GNA14: variants seen among roughly 807,000 people sequenced by gnomAD.
GNA14 encodes the protein guanine nucleotide-binding protein subunit alpha-14.
GNA14 carries 50 observed loss-of-function variants against 42.0 expected under a neutral mutation model. The observed-to-expected ratio is 1.19, with a 90% CI of 0.95 to 1.51. The LOEUF is 1.51. Among genes scored for constraint, GNA14 ranks in the 40% most tolerant of loss-of-function variants. The pLI, the probability that GNA14 is intolerant of heterozygous loss-of-function variation, is 0.00. For missense variants in GNA14, 473 were observed against 446.2 expected (o/e 1.06, Z -0.54); for synonymous variants, 173 against 163.1 (o/e 1.06, Z -0.46).
intron 2 of GNA14, among the ~76,000 whole-genome samples, chr9:77,464,371 G>GTA (rs1564022420): frequency 2.0e-5 from 3 of 149,992 alleles, no homozygotes; most frequent in Admixed American, 1.3e-4. Flanking sequence ...GTGTGTGTGT[G>GTA]TGTGTGTGTG....
chr9:77,610,486 T>C (rs943638782), intron 1 of GNA14, among the ~76,000 whole-genome samples: 5 of 152,220 alleles, frequency 3.3e-5, no homozygotes, highest in Non-Finnish European at 7.4e-5. Flanking sequence ...ATAAGAGCAC[T>C]AATTCCATTG....
intron 6 of GNA14, among the ~76,000 whole-genome samples, chr9:77,425,101 GAT>G (rs1835433808): frequency 6.6e-6 from 1 of 152,140 alleles, no homozygotes; most frequent in Non-Finnish European, 1.5e-5. Flanking sequence ...GGAATGCACA[GAT>G]AAATCAAGCA....
At chr9:77,599,408 G>A (rs1823518392) in intron 1 of GNA14, among the ~76,000 whole-genome samples, 2 of 152,330 alleles carry the variant, frequency 1.3e-5, no homozygotes, top group South Asian at 4.1e-4. Context: ...GGGATTCTGA[G>A]CATCCCTGTA....
chr9:77,509,730 T>C (rs1837128424), intron 2 of GNA14, among the ~76,000 whole-genome samples: 1 of 152,150 alleles, frequency 6.6e-6, no homozygotes, highest in Admixed American at 6.5e-5. Flanking sequence ...AAGATTCTTG[T>C]ATAGGTTGGT....
intron 1 of GNA14, among the ~76,000 whole-genome samples, chr9:77,605,672 A>C (rs531749806): frequency 3.9e-5 from 6 of 152,240 alleles, no homozygotes; most frequent in Non-Finnish European, 7.3e-5. Context: ...CCAGGCACAG[A>C]AAGAGAAATA....
intron 1 of GNA14, among the ~76,000 whole-genome samples, chr9:77,591,918 G>GTTT (rs10663673): frequency 1.4e-4 from 19 of 140,270 alleles, no homozygotes; most frequent in East Asian, 2.1e-4. Context: ...TTGTTTTTTG[G>GTTT]TTTTTTTTTT....
At chr9:77,579,433 T>C (rs1248248587) in intron 1 of GNA14, among the ~76,000 whole-genome samples, 1 of 152,180 alleles carries the variant, frequency 6.6e-6, no homozygotes, top group Non-Finnish European at 1.5e-5. Context: ...TCCGAGCTGA[T>C]ACTGGTTCTG....
intron 1 of GNA14, among the ~76,000 whole-genome samples, chr9:77,591,173 G>A (rs760491539): frequency 1.3e-5 from 2 of 152,172 alleles, no homozygotes; most frequent in African/African-American, 4.8e-5. Flanking sequence ...GAATCATCCT[G>A]ATCATACCCT....
At chr9:77,539,391 T>C (rs1180870533) in intron 1 of GNA14, among the ~76,000 whole-genome samples, 1 of 152,232 alleles carries the variant, frequency 6.6e-6, no homozygotes, top group Admixed American at 6.5e-5. Context: ...CATGATGTGC[T>C]GTTGGATTTG....
chr9:77,503,751 G>A (rs755495158), intron 2 of GNA14, among the ~76,000 whole-genome samples: 9 of 148,800 alleles, frequency 6.0e-5, no homozygotes, highest in African/African-American at 1.2e-4. Context: ...TCCACCCACC[G>A]AGTTCAAGCC....
chr9:77,508,718 C>T (rs1476854860), intron 2 of GNA14, among the ~76,000 whole-genome samples: 1 of 152,124 alleles, frequency 6.6e-6, no homozygotes, highest in African/African-American at 2.4e-5. Context: ...AGAACCAGGC[C>T]TCCTTGGAGA....
In GNA14 at chr9:77,539,268, T is replaced by C. The variant is rs190535820; in HGVS notation, c.125-10015A>G. 5.8e-4 allele frequency among the ~76,000 whole-genome samples: 88 copies of C among 152,372 alleles called. 1 individual carries two copies. The highest frequency in any genetic ancestry group is 3.4e-3 in the Middle Eastern group (1 of 294). ...TTCTCCATTTATGGAGGTAATAACATAGTTTTTGTTCTTCATTCTATTGAT... is the reference window on the plus strand; with the variant it reads ...TTCTCCATTTATGGAGGTAATAACACAGTTTTTGTTCTTCATTCTATTGAT... On this transcript the variant is annotated intron_variant, in intron 1 of 6. Coordinates refer to ENST00000341700, the MANE Select transcript of GNA14 (RefSeq NM_004297.4).
At chr9:77,432,996 T>C (rs1436695117) in intron 3 of GNA14, among the ~76,000 whole-genome samples, 2 of 152,258 alleles carry the variant, frequency 1.3e-5, no homozygotes, top group African/African-American at 2.4e-5. Flanking sequence ...TTTCCTGCCT[T>C]GATGCTTTTT....
Position 77,430,727 on chromosome 9 carries a change from G to A in GNA14, c.593+594C>T, listed in dbSNP as rs995018300. On this transcript the variant is annotated intron_variant, in intron 4 of 6. Transcript: ENST00000341700. ...ATAAAAGTGCTTTGAAATGTGCAGT[G>A]CTACATATATGCCCTATATTATTAT... Among the ~76,000 whole-genome samples the A allele has an allele frequency of 7.9e-5, 12 of 152,176 alleles. 1 individual carries two copies. The highest frequency in any genetic ancestry group is 2.4e-4 in the African/African-American group (10 of 41,446).
chr9:77,608,712 T>A (rs946153519), intron 1 of GNA14, among the ~76,000 whole-genome samples: 1 of 148,626 alleles, frequency 6.7e-6, no homozygotes, highest in Admixed American at 6.7e-5. Flanking sequence ...ATCCTGACAA[T>A]GTACGAAGCC....
chr9:77,549,133 C>T (rs1837759849), intron 1 of GNA14, among the ~76,000 whole-genome samples: 1 of 152,158 alleles, frequency 6.6e-6, no homozygotes, highest in African/African-American at 2.4e-5. Flanking sequence ...CAGGGTTTCA[C>T]CATGTTGGCC....
chr9:77,532,034 C>T (rs1485195592), intron 1 of GNA14, among the ~76,000 whole-genome samples: 1 of 152,160 alleles, frequency 6.6e-6, no homozygotes, highest in Non-Finnish European at 1.5e-5. Context: ...GAAAGACACA[C>T]AGCACCGAGG....
At chr9:77,631,629 T>C (rs1275752493) in intron 1 of GNA14, among the ~76,000 whole-genome samples, 2 of 152,156 alleles carry the variant, frequency 1.3e-5, no homozygotes, top group Admixed American at 6.5e-5. Context: ...AGTGAAGTTT[T>C]CATTAGCAAA....
At chr9:77,647,234 T>G (rs1824370826) in intron 1 of GNA14, among the ~76,000 whole-genome samples, 2 of 152,164 alleles carry the variant, frequency 1.3e-5, no homozygotes, top group African/African-American at 4.8e-5. Context: ...CTTAGCACGA[T>G]CTGGCACATG....
Sources: allele counts gnomAD v4.1 joint callset (sites outside exome capture counted in the v4.1 genomes callset), GRCh38; gene constraint gnomAD v4.1.1; transcripts MANE v1.5; gene names NCBI Gene and HGNC (gene_info 2026-07-23, HGNC 2026-07-21).